RRBP1: variants seen among roughly 807,000 people sequenced by gnomAD.
RRBP1 encodes ribosome binding protein 1, also known as ribosome-binding protein 1.
Under a neutral mutation model 165.2 loss-of-function variants are expected in RRBP1, and 94 were observed. That is an observed-to-expected ratio of 0.57 (90% CI 0.48 to 0.68). RRBP1 has a LOEUF of 0.68. RRBP1 is among the 30% of genes least tolerant of loss of function. The probability of loss-of-function intolerance (pLI) is 0.00; values close to 1 mark genes in which losing one functional copy is unlikely to be tolerated. For missense variants in RRBP1, 1,676 were observed against 1,763.0 expected (o/e 0.95, Z 0.88); for synonymous variants, 680 against 714.5 (o/e 0.95, Z 0.77).
intron 24 of RRBP1, 110 bp from the exon 25 acceptor site, chr20:17,614,330 C>T: frequency 9.9e-7 from 1 of 1,011,340 alleles, no homozygotes; most frequent in African/African-American, 1.6e-5. Flanking sequence ...CCCCTCAAGC[C>T]ACTCCAGTCC....
intron 2 of RRBP1, among the ~76,000 whole-genome samples, chr20:17,675,750 G>C (rs565492744): frequency 3.6e-4 from 55 of 152,380 alleles, no homozygotes; most frequent in African/African-American, 1.2e-3. Flanking sequence ...GAGATGGTAG[G>C]AGTGAAGCTA....
At chr20:17,649,276 G>T (rs1412421602) in intron 3 of RRBP1, among the ~76,000 whole-genome samples, 1 of 152,194 alleles carries the variant, frequency 6.6e-6, no homozygotes, top group Non-Finnish European at 1.5e-5. Context: ...CTGCCGGCGA[G>T]AAGGGCACAG....
chr20:17,649,238 T>C (rs975692873), intron 3 of RRBP1, among the ~76,000 whole-genome samples: 10 of 152,192 alleles, frequency 6.6e-5, no homozygotes, highest in African/African-American at 2.2e-4. Flanking sequence ...GTATCTGACT[T>C]GATCTCCGTG....
intron 3 of RRBP1, among the ~76,000 whole-genome samples, chr20:17,649,810 C>T (rs981921624): frequency 2.6e-5 from 4 of 152,166 alleles, no homozygotes; most frequent in East Asian, 3.9e-4. Context: ...GGGGGCTCAG[C>T]GAGACTGCAC....
intron 3 of RRBP1, among the ~76,000 whole-genome samples, chr20:17,654,927 G>A (rs146266172): frequency 5.3e-5 from 8 of 152,252 alleles, no homozygotes; most frequent in Non-Finnish European, 7.4e-5. Flanking sequence ...AATTAAGGAA[G>A]TATCATTATT....
At position 17,643,170 on chromosome 20, in the gene RRBP1, C is replaced by G. The variant is rs1600752887; in HGVS notation, c.1913-43G>C. ...AAGAGCTGAGACTTAGGCCCATAAGCCACAACACACGTGGCCACAATGCCC... is the reference window on the plus strand; with the variant it reads ...AAGAGCTGAGACTTAGGCCCATAAGGCACAACACACGTGGCCACAATGCCC... On this transcript the variant is annotated intron_variant, in intron 3 of 24. Transcript: ENST00000377813. The surrounding 1 kb of genome is among the most constrained non-coding windows in gnomAD (Gnocchi z 4.3). 1 of 1,598,704 alleles carries G rather than the reference C, an allele frequency of 6.3e-7. No individual in the cohort carries two copies. The highest frequency in any genetic ancestry group is 1.7e-5 in the Admixed American group (1 of 59,352).
chr20:17,660,773 T>C (rs1271388163), intron 2 of RRBP1, among the ~76,000 whole-genome samples: 4 of 151,930 alleles, frequency 2.6e-5, no homozygotes, highest in African/African-American at 9.7e-5. Context: ...CAGAGCAGAG[T>C]GGAGGCCTAT....
intron 2 of RRBP1, among the ~76,000 whole-genome samples, chr20:17,673,097 A>G (rs1190517601): frequency 6.6e-6 from 1 of 152,226 alleles, no homozygotes; most frequent in Non-Finnish European, 1.5e-5. Flanking sequence ...GACTCGTGAT[A>G]GTGCATTTTT....
rs756406285 is a variant in RRBP1, at chr20:17,627,401, G to A, written c.2929-19C>T. 1 of 1,613,862 alleles carries A rather than the reference G, an allele frequency of 6.2e-7. No individual in the cohort carries two copies. Among genetic ancestry groups the A allele is most frequent in the South Asian group, 1.1e-5 (1 of 91,010 alleles). On this transcript the variant is annotated intron_variant, in intron 10 of 24. Transcript: ENST00000377813. ...GGCTGGCCTGGAATGAGAGACAAAAGCTCCTTGGTCTCCAGGAGACTCATC... is the reference window on the plus strand; with the variant it reads ...GGCTGGCCTGGAATGAGAGACAAAAACTCCTTGGTCTCCAGGAGACTCATC...
intron 5 of RRBP1, 53 bp from the exon 6 acceptor site, chr20:17,636,782 C>A: frequency 6.2e-7 from 1 of 1,604,826 alleles, no homozygotes. Context: ...GGGCAGGAGC[C>A]TATCAGAAGG....
intron 12 of RRBP1, 118 bp from the exon 13 acceptor site, chr20:17,624,786 G>C: frequency 1.4e-6 from 1 of 709,322 alleles, no homozygotes; most frequent in Non-Finnish European, 2.4e-6. Flanking sequence ...GCCCACAGAG[G>C]ACCTGCCACG....
rs2036718817 is a variant in RRBP1, at chr20:17,659,582, C to G, written c.926G>C (p.Gly309Ala). 1.9e-6 allele frequency: 3 copies of G among 1,550,100 alleles called. No individual in the cohort carries two copies. Among genetic ancestry groups the G allele is most frequent in the African/African-American group, 2.7e-5 (2 of 72,924 alleles). ...AKKVEGAQNQGKKAEGAQNQG... is the reference protein window; with the variant it reads ...AKKVEGAQNQAKKAEGAQNQG... ...ATTCTGGGCCCCCTCTGCCTTTTTG[C>G]CCTGGTTCTGGGCCCCTTCTACCTT... is the stretch of plus-strand genomic sequence containing the variant. The change falls in exon 3 of 25, where the codon GGC becomes GCC. Residue 309 changes from glycine to alanine, a missense_variant. Physicochemically the swap from Gly to Ala is moderately conservative, Grantham distance 60. This residue lies in a region of RRBP1 where 392 missense variants were observed against 382.5 expected (regional missense o/e 1.02). Coordinates refer to ENST00000377813, the MANE Select transcript of RRBP1 (RefSeq NM_001365613.2).
intron 5 of RRBP1, among the ~76,000 whole-genome samples, chr20:17,637,759 T>C (rs2036274639): frequency 6.6e-6 from 1 of 152,200 alleles, no homozygotes; most frequent in Non-Finnish European, 1.5e-5. Context: ...CTGGGACCCT[T>C]GGCCTCACTT....
Position 17,625,583 on chromosome 20 carries a change from G to T in RRBP1, c.2983C>A (p.Gln995Lys). ...QQTRLKELESQVSGLEKEAIE... is the reference protein window; with the variant it reads ...QQTRLKELESKVSGLEKEAIE... ...GCCTCCTTCTCCAGACCCGACACCT[G>T]GGACTCCAGCTCCTTGAGGCTGAAG... Residue 995 changes from glutamine (Q) to lysine (K), a missense_variant, in exon 12 of 25, where the codon CAG becomes AAG. This residue lies in a region of RRBP1 where 1,184 missense variants were observed against 1,167.1 expected (regional missense o/e 1.01). Coordinates refer to ENST00000377813, the MANE Select transcript of RRBP1 (RefSeq NM_001365613.2). 1.2e-6 allele frequency: 2 copies of T among 1,613,896 alleles called. No homozygotes were observed. The highest frequency in any genetic ancestry group is 1.3e-5 in the African/African-American group (1 of 74,990).
rs187535726 is a variant in RRBP1 at position 17,662,055 on chromosome 20, G to A, written c.-21-1527C>T. ...AGGCAGGCAGATCACGAGGTCAGGAGATCGAGACCATCCTGGCTAACACGG... is the reference window on the plus strand; with the variant it reads ...AGGCAGGCAGATCACGAGGTCAGGAAATCGAGACCATCCTGGCTAACACGG... On this transcript the variant is annotated intron_variant, in intron 2 of 24. Coordinates refer to ENST00000377813, the MANE Select transcript of RRBP1 (RefSeq NM_001365613.2). Among the ~76,000 whole-genome samples the A allele has an allele frequency of 2.0e-3, 308 of 152,266 alleles. 8 individuals carry two copies. Among genetic ancestry groups the A allele is most frequent in the Non-Finnish European group, 3.5e-4 (24 of 68,024 alleles).
In RRBP1 at chr20:17,615,511, G is replaced by A. The variant is rs766867135; in HGVS notation, c.3970C>T (p.Arg1324Trp). ...AGCTTCTCCAATTCTTCTTGTAACC[G>A]ACATGCCGAGGTCTGAGCCTTGCCG... ...EFEEAQTSAC[R>W]LQEELEKLRT... The change falls in exon 23 of 25, where the codon CGG becomes TGG. Residue 1324 changes from arginine (R) to tryptophan (W), a missense_variant. Transcript: ENST00000377813. 7.5e-6 allele frequency: 12 copies of A among 1,605,588 alleles called. No homozygotes were observed. The highest frequency in any genetic ancestry group is 4.5e-5 in the South Asian group (4 of 89,512).
chr20:17,669,556 C>T (rs925926525), intron 2 of RRBP1, among the ~76,000 whole-genome samples: 6 of 152,152 alleles, frequency 3.9e-5, no homozygotes, highest in Admixed American at 3.9e-4. Context: ...ATGAATCAAT[C>T]GTCTACTCAA....
intron 2 of RRBP1, among the ~76,000 whole-genome samples, chr20:17,665,569 C>T (rs2036854343): frequency 6.6e-6 from 1 of 152,130 alleles, no homozygotes; most frequent in African/African-American, 2.4e-5. Flanking sequence ...GACGGGGTTT[C>T]ACCATATTGG....
chr20:17,671,476 G>C (rs981539322), intron 2 of RRBP1, among the ~76,000 whole-genome samples: 1 of 152,190 alleles, frequency 6.6e-6, no homozygotes, highest in African/African-American at 2.4e-5. Context: ...CTCAAATAAA[G>C]AATCTTCAAA....
Sources: gnomAD v4.1 joint callset for allele counts (sites outside exome capture counted in the v4.1 genomes callset) on GRCh38, gnomAD v4.1.1 for gene constraint, gnomAD v4.1.1 regional missense constraint, Gnocchi (gnomAD v3.1) non-coding constraint, MANE v1.5 for transcripts, NCBI Gene and HGNC (gene_info 2026-07-23, HGNC 2026-07-21) for gene names.